SRGAP3: variants seen among roughly 807,000 people sequenced by gnomAD.
SRGAP3 encodes the protein SLIT-ROBO Rho GTPase activating protein 3.
In SRGAP3, 39 loss-of-function variants were observed where a neutral mutation model predicts 121.1. That is an observed-to-expected ratio of 0.32 (90% CI 0.25 to 0.42). SRGAP3 has a LOEUF of 0.42. SRGAP3 is among the 10% of genes least tolerant of loss of function. The probability of loss-of-function intolerance (pLI) is 1.00; values close to 1 mark genes in which losing one functional copy is unlikely to be tolerated. For synonymous variants in SRGAP3, 601 were observed against 570.0 expected, an observed-to-expected ratio of 1.05 and a Z score of -0.77; for missense variants, 1,213 against 1,470.6, an observed-to-expected ratio of 0.82 and a Z score of 2.86.
intron 4 of SRGAP3, 51 bp from the exon 5 acceptor site, chr3:9,064,632 G>A (rs376899074): frequency 1.9e-6 from 3 of 1,607,706 alleles, no homozygotes; most frequent in East Asian, 4.5e-5. Flanking sequence ...GCCCAGCACG[G>A]CCCTCCCTGT....
chr3:9,231,091 G>A (rs931467232), intron 1 of SRGAP3, among the ~76,000 whole-genome samples: 2 of 152,174 alleles, frequency 1.3e-5, no homozygotes, highest in East Asian at 3.9e-4. Context: ...CAGCTTTGTC[G>A]AGCCACTGGA....
At chr3:9,014,394 G>C (rs1284942875) in intron 15 of SRGAP3, 2 of 166,810 alleles carry the variant, frequency 1.2e-5, no homozygotes, top group East Asian at 3.0e-4. Flanking sequence ...TGCAGCACAG[G>C]CCTGACACAT....
At chr3:9,107,854 G>A (rs559069857) in intron 2 of SRGAP3, among the ~76,000 whole-genome samples, 30 of 152,346 alleles carry the variant, frequency 2.0e-4, no homozygotes, top group African/African-American at 7.0e-4. Context: ...ATCACGTCCA[G>A]CACCCAGCAA....
intron 6 of SRGAP3, chr3:9,059,328 G>A (rs924718775): frequency 5.3e-5 from 8 of 151,728 alleles, no homozygotes; most frequent in African/African-American, 1.9e-4. Context: ...TGAATAAAGG[G>A]GCTGAAAGGG....
At chr3:9,008,688 C>T (rs960128775) in intron 18 of SRGAP3, among the ~76,000 whole-genome samples, 1 of 152,202 alleles carries the variant, frequency 6.6e-6, no homozygotes, top group African/African-American at 2.4e-5. Context: ...AGGACACATT[C>T]CTCAGTTCAG....
At chr3:9,281,908 C>T (rs1032397806) in intron 3 of SRGAP3, among the ~76,000 whole-genome samples, 9 of 152,092 alleles carry the variant, frequency 5.9e-5, no homozygotes, top group African/African-American at 1.9e-4. Flanking sequence ...TCAAGTGACC[C>T]GCCCACCTCA....
intron 1 of SRGAP3, among the ~76,000 whole-genome samples, chr3:9,230,821 C>T (rs1272462485): frequency 4.0e-5 from 6 of 148,150 alleles, no homozygotes; most frequent in African/African-American, 1.0e-4. Context: ...GTTATGATGG[C>T]GCCACTGCAT....
At chr3:9,199,475 T>C (rs1431423675) in intron 1 of SRGAP3, among the ~76,000 whole-genome samples, 1 of 152,238 alleles carries the variant, frequency 6.6e-6, no homozygotes, top group Admixed American at 6.5e-5. Flanking sequence ...TTTGTTTTTT[T>C]CTTTGTTCAC....
At chr3:9,148,285 G>A (rs747510626) in intron 1 of SRGAP3, among the ~76,000 whole-genome samples, 1 of 152,136 alleles carries the variant, frequency 6.6e-6, no homozygotes. Flanking sequence ...ATCAACCCCA[G>A]CATTTCTCTG....
intron 3 of SRGAP3, among the ~76,000 whole-genome samples, chr3:9,307,165 G>A (rs923340682): frequency 1.3e-5 from 2 of 152,080 alleles, no homozygotes; most frequent in Admixed American, 1.3e-4. Context: ...GTAGAGATGG[G>A]GTTTCACCAT....
intron 1 of SRGAP3, among the ~76,000 whole-genome samples, chr3:9,199,666 G>A (rs1952014628): frequency 6.6e-6 from 1 of 152,190 alleles, no homozygotes; most frequent in South Asian, 2.1e-4. Flanking sequence ...GGGATTTAAA[G>A]AACTGCATTC....
At chr3:9,146,407 T>G (rs1286444203) in intron 1 of SRGAP3, among the ~76,000 whole-genome samples, 1 of 152,212 alleles carries the variant, frequency 6.6e-6, no homozygotes, top group Non-Finnish European at 1.5e-5. Context: ...AGGGACTTTA[T>G]AGCCCCAAGC....
chr3:9,019,538 C>G (rs1943807163), intron 14 of SRGAP3, among the ~76,000 whole-genome samples: 1 of 152,228 alleles, frequency 6.6e-6, no homozygotes, highest in African/African-American at 2.4e-5. Flanking sequence ...TCAGAGACAT[C>G]CACACAATGG....
intron 3 of SRGAP3, among the ~76,000 whole-genome samples, chr3:9,277,212 C>T (rs913197022): frequency 1.8e-4 from 28 of 152,160 alleles, no homozygotes; most frequent in Non-Finnish European, 2.9e-5. Flanking sequence ...CCTTGCAAGA[C>T]ATTATTCTCT....
intron 18 of SRGAP3, among the ~76,000 whole-genome samples, chr3:9,001,136 T>G (rs1204847286): frequency 6.6e-6 from 1 of 152,232 alleles, no homozygotes; most frequent in Admixed American, 6.5e-5. Flanking sequence ...ATGTTAGAGT[T>G]AGTTAGGATA....
At position 8,986,021 on chromosome 3, in the gene SRGAP3, G is replaced by A. The variant is rs1941683723; in HGVS notation, c.2887-89C>T. On this transcript the variant is annotated intron_variant, in intron 21 of 21. Coordinates refer to ENST00000383836, the MANE Select transcript of SRGAP3 (RefSeq NM_014850.4). ...GCTAAGCAGCTTCCCTTCGTAGGCA[G>A]GTTCCCCAGAAGCCTCGCGGCAGGG... The A allele has an allele frequency of 2.2e-5, 35 of 1,586,884 alleles. No individual in the cohort carries two copies. In the South Asian group the frequency reaches 3.7e-4, roughly 17 times the overall value.
chr3:9,214,414 G>A (rs1952549056), intron 1 of SRGAP3, among the ~76,000 whole-genome samples: 1 of 152,168 alleles, frequency 6.6e-6, no homozygotes, highest in African/African-American at 2.4e-5. Context: ...TAATAAAGAA[G>A]CCTGCTTTGC....
chr3:9,022,036 CT>C (rs1405976637), intron 14 of SRGAP3, among the ~76,000 whole-genome samples: 1 of 151,862 alleles, frequency 6.6e-6, no homozygotes, highest in East Asian at 1.9e-4. Flanking sequence ...GTCTCAAAAA[CT>C]AAATAAACTG....
chr3:8,985,944 G>T lies in SRGAP3; in HGVS notation c.2887-12C>A. 1.3e-6 allele frequency: 2 copies of T among 1,599,642 alleles called. No homozygotes were observed. Among genetic ancestry groups the T allele is most frequent in the Non-Finnish European group, 1.7e-6 (2 of 1,179,932 alleles). ...GTCTTCTCGATGTCCTGGGGACAGA[G>T]GGAGCTGGGGTCAGCACAGTCTGGA... On this transcript the variant is annotated splice_polypyrimidine_tract_variant and intron_variant, in intron 21 of 21. Transcript: ENST00000383836. The surrounding 1 kb of genome is among the most constrained non-coding windows in gnomAD (Gnocchi z 5.1).
Sources: gnomAD v4.1 joint callset for allele counts (sites outside exome capture counted in the v4.1 genomes callset) on GRCh38, gnomAD v4.1.1 for gene constraint, Gnocchi (gnomAD v3.1) non-coding constraint, MANE v1.5 for transcripts, NCBI Gene and HGNC (gene_info 2026-07-23, HGNC 2026-07-21) for gene names.